The following RNF2 variants were observed in gnomAD, a reference collection of about 807,000 sequenced individuals.
The protein encoded by RNF2 is ring finger protein 2, also known as E3 ubiquitin-protein ligase RING2.
In RNF2, 6 loss-of-function variants were observed where a neutral mutation model predicts 37.2. The observed-to-expected ratio is 0.16, with a 90% CI of 0.09 to 0.32. RNF2 has a LOEUF of 0.32. Among genes scored for constraint, RNF2 ranks in the 10% least tolerant of loss-of-function variants. The probability of loss-of-function intolerance (pLI) is 1.00; values close to 1 mark genes in which losing one functional copy is unlikely to be tolerated. For synonymous variants in RNF2, 133 were observed against 132.7 expected (o/e 1.00, Z -0.02); for missense variants, 251 against 404.0 (o/e 0.62, Z 3.25).
rs1652068277 is a variant in RNF2 at position 185,101,207 on chromosome 1, C to T, written c.*906C>T. 1 of 152,428 alleles carries T rather than the reference C, an allele frequency of 6.6e-6. No individual in the cohort carries two copies. Among genetic ancestry groups the T allele is most frequent in the Non-Finnish European group, 1.5e-5 (1 of 67,958 alleles). The allele number at this position is 152,428 out of a possible 1,614,324, so 9.4% of individuals were successfully genotyped here. On this transcript the variant is annotated 3_prime_UTR_variant, in exon 7 of 7. Transcript: ENST00000367510. ...AAAGTACAAGATATGTTCAAAGCTT[C>T]CCTAATTTTTTTCTTATTTGTAGCC... is the stretch of plus-strand genomic sequence containing the variant.
At position 185,087,634 on chromosome 1, in the gene RNF2, A is replaced by G. The variant is rs1651641473; in HGVS notation, c.81A>G (p.Thr27=). 1.9e-6 allele frequency: 3 copies of G among 1,613,114 alleles called. No homozygotes were observed. The African/African-American group carries it at 4.0e-5, about 22-fold the overall frequency. The change falls in exon 2 of 7, where the codon ACA becomes ACG. Residue 27 remains threonine (T), a synonymous_variant. Transcript: ENST00000367510. The part of the protein sequence containing the change: ...WELSLYELQR[T]PQEAITDGLE... ...TCAGTTTATATGAGTTACAACGAAC[A>G]CCTCAGGTAATGACTAAGATGACTG... is the stretch of plus-strand genomic sequence containing the variant.
intron 1 of RNF2, among the ~76,000 whole-genome samples, chr1:185,055,676 C>T (rs1426082303): frequency 6.6e-6 from 1 of 152,164 alleles, no homozygotes; most frequent in Non-Finnish European, 1.5e-5. Flanking sequence ...CTGCCTTGGC[C>T]TTCCGAAGTC....
intron 1 of RNF2, among the ~76,000 whole-genome samples, chr1:185,046,549 A>G (rs895556093): frequency 2.6e-5 from 4 of 152,064 alleles, no homozygotes; most frequent in African/African-American, 9.7e-5. Context: ...TCAATTATAG[A>G]CTCATCTATT....
chr1:185,053,498 ATAT>A (rs1168104281), intron 1 of RNF2, among the ~76,000 whole-genome samples: 2 of 151,620 alleles, frequency 1.3e-5, no homozygotes, highest in African/African-American at 4.8e-5. Context: ...CCATGCACTA[ATAT>A]TCTTATTTTC....
intron 1 of RNF2, among the ~76,000 whole-genome samples, chr1:185,075,740 A>G (rs1382713187): frequency 1.3e-5 from 2 of 151,880 alleles, no homozygotes; most frequent in Admixed American, 6.5e-5. Context: ...CGAGAACAGC[A>G]AGGGGGAAAT....
intron 1 of RNF2, among the ~76,000 whole-genome samples, chr1:185,050,829 G>T (rs1354687077): frequency 6.6e-6 from 1 of 152,176 alleles, no homozygotes; most frequent in Non-Finnish European, 1.5e-5. Context: ...CATTCCTTTT[G>T]ATGGCTAAAT....
intron 1 of RNF2, among the ~76,000 whole-genome samples, chr1:185,066,182 GT>G: frequency 6.6e-6 from 1 of 152,232 alleles, no homozygotes; most frequent in East Asian, 1.9e-4. Flanking sequence ...TTGGCCAAAG[GT>G]GATCTCTTCG....
intron 1 of RNF2, among the ~76,000 whole-genome samples, chr1:185,076,278 T>G (rs1330672647): frequency 1.4e-3 from 54 of 38,048 alleles, no homozygotes; most frequent in African/African-American, 6.5e-3. Flanking sequence ...GTTTTTTTTT[T>G]TTTTTTTTTT....
At chr1:185,086,079 T>G (rs947813082) in intron 1 of RNF2, among the ~76,000 whole-genome samples, 3 of 152,188 alleles carry the variant, frequency 2.0e-5, no homozygotes, top group Non-Finnish European at 4.4e-5. Context: ...ATTTTTTTCC[T>G]TTAAGCTCTG....
chr1:185,072,929 G>A (rs1229094672), intron 1 of RNF2, among the ~76,000 whole-genome samples: 1 of 152,132 alleles, frequency 6.6e-6, no homozygotes, highest in Non-Finnish European at 1.5e-5. Context: ...AACAGAATGA[G>A]ACTCTGTCTC....
intron 2 of RNF2, among the ~76,000 whole-genome samples, chr1:185,090,861 A>G (rs1651747280): frequency 6.6e-6 from 1 of 152,186 alleles, no homozygotes; most frequent in South Asian, 2.1e-4. Flanking sequence ...GAAATTTTAC[A>G]TTGGAACTCC....
chr1:185,095,721 T>C (rs1651892559), intron 4 of RNF2, among the ~76,000 whole-genome samples: 1 of 152,270 alleles, frequency 6.6e-6, no homozygotes, highest in South Asian at 2.1e-4. Context: ...AATTAGTCTC[T>C]TGTGTGCAGC....
intron 1 of RNF2, among the ~76,000 whole-genome samples, chr1:185,064,269 G>T (rs1426181097): frequency 6.6e-6 from 1 of 152,164 alleles, no homozygotes; most frequent in African/African-American, 2.4e-5. Context: ...AGGAATGTAG[G>T]TTGGATAGGA....
chr1:185,061,446 C>A (rs1301923863), intron 1 of RNF2, among the ~76,000 whole-genome samples: 1 of 151,898 alleles, frequency 6.6e-6, no homozygotes, highest in Non-Finnish European at 1.5e-5. Flanking sequence ...AAAAAACACA[C>A]AAGATCACAA....
In RNF2 at chr1:185,098,195, G is replaced by A. The variant is rs1303369068; in HGVS notation, c.588G>A (p.Arg196=). Residue 196 remains arginine (R), a synonymous_variant, in exon 5 of 7, where the codon CGG becomes CGA. Transcript: ENST00000367510. ...AGGAAGCAGGCCCTAGTAACAAACG[G>A]ACCAAAACATCTGATGATTCTGGGC... The part of the protein sequence containing the change: ...SNQEAGPSNK[R]TKTSDDSGLE... 6.2e-7 allele frequency: 1 copy of A among 1,614,186 alleles called. No homozygotes were observed. The highest frequency in any genetic ancestry group is 1.7e-5 in the Admixed American group (1 of 60,026).
chr1:185,076,265 G>GTTTTTTTTTTT (rs1557967374), intron 1 of RNF2, among the ~76,000 whole-genome samples: 3 of 39,540 alleles, frequency 7.6e-5, no homozygotes, highest in Non-Finnish European at 1.2e-4. Context: ...TCTTTTATGG[G>GTTTTTTTTTTT]TTGTTTTTTT....
Position 185,072,658 on chromosome 1 carries a change from A to G in RNF2, c.-2-14894A>G, listed in dbSNP as rs992185918. ...GAAGAGAAAGATGGCAGATGTGGCT[A>G]AAACATACTGAACAGCTCATGCCTG... On this transcript the variant is annotated intron_variant, in intron 1 of 6. Coordinates refer to ENST00000367510, the MANE Select transcript of RNF2 (RefSeq NM_007212.4). 3.3e-5 allele frequency among the ~76,000 whole-genome samples: 5 copies of G among 152,264 alleles called. No homozygotes were observed. In the Middle Eastern group the frequency reaches 0.017, roughly 518 times the overall value.
intron 1 of RNF2, among the ~76,000 whole-genome samples, chr1:185,056,331 G>A (rs959106253): frequency 5.3e-5 from 8 of 151,422 alleles, no homozygotes; most frequent in African/African-American, 1.9e-4. Context: ...AATTTTACAA[G>A]ATAAATTATC....
intron 1 of RNF2, among the ~76,000 whole-genome samples, chr1:185,063,131 C>CTGTAAA (rs1318803568): frequency 6.6e-6 from 1 of 152,170 alleles, no homozygotes; most frequent in African/African-American, 2.4e-5. Flanking sequence ...AAACCTGTAA[C>CTGTAAA]TGTAAATGAG....
Sources: allele counts gnomAD v4.1 joint callset (sites outside exome capture counted in the v4.1 genomes callset), GRCh38; gene constraint gnomAD v4.1.1; transcripts MANE v1.5; gene names NCBI Gene and HGNC (gene_info 2026-07-23, HGNC 2026-07-21).